Variants in MRGBP observed in about 807,000 individuals in gnomAD.
The protein encoded by MRGBP is MRG/MORF4L-binding protein.
MRGBP carries 5 observed loss-of-function variants against 21.5 expected under a neutral mutation model. The ratio of observed to expected loss-of-function variants is 0.23; its 90% CI spans 0.12 to 0.49. The LOEUF (loss-of-function observed/expected upper bound fraction) is 0.49. MRGBP is among the 20% of genes least tolerant of loss of function. The pLI, the probability that MRGBP is intolerant of heterozygous loss-of-function variation, is 0.98. For missense variants in MRGBP, 227 were observed against 277.4 expected (o/e 0.82, Z 1.29); for synonymous variants, 118 against 104.4 (o/e 1.13, Z -0.79).
intron 3 of MRGBP, 41 bp downstream of exon 3, chr20:62,798,709 C>G (rs1990389570): frequency 1.2e-6 from 2 of 1,607,130 alleles, no homozygotes; most frequent in South Asian, 1.1e-5. Flanking sequence ...TCAGAAAAGG[C>G]CAGACCCTGG....
In MRGBP at chr20:62,800,673, A is replaced by G. The variant is rs1990439009; in HGVS notation, c.*1030A>G. Reference sequence around the variant, plus strand: ...AGTTTTTATTTTTCCAAGATTTATAACTAAAGCATACACTTAGATGACTTA... The same window carrying G: ...AGTTTTTATTTTTCCAAGATTTATAGCTAAAGCATACACTTAGATGACTTA... On this transcript the variant is annotated 3_prime_UTR_variant, in exon 5 of 5. Transcript: ENST00000370487. 1 of 152,244 alleles carries G rather than the reference A, an allele frequency of 6.6e-6. No homozygotes were observed. Among genetic ancestry groups the G allele is most frequent in the African/African-American group, 2.4e-5 (1 of 41,454 alleles). 9.4% of individuals were successfully genotyped at this position (152,244 alleles called of 1,614,324 possible). A position where few individuals can be genotyped will look rare whatever the true frequency, so the allele number is the denominator to read the frequency against.
At chr20:62,797,366 A>C in intron 2 of MRGBP, 135 bp downstream of exon 2, 4 of 1,216,648 alleles carry the variant, frequency 3.3e-6, no homozygotes, top group South Asian at 1.8e-5. Flanking sequence ...AGGCCCCTCC[A>C]TGCCTGCTGG....
rs902475751 is a variant in MRGBP, at chr20:62,798,678, G to A, written c.352+10G>A. 3.7e-6 allele frequency: 6 copies of A among 1,613,124 alleles called. No individual in the cohort carries two copies. Among genetic ancestry groups the A allele is most frequent in the African/African-American group, 1.3e-5 (1 of 74,902 alleles). ...CAGGAGGTCCGAGAAGGTGAGGCTC[G>A]GGAAAGGTTGGGCTTGGGATTCAGA... On this transcript the variant is annotated intron_variant, in intron 3 of 4. Transcript: ENST00000370487.
At chr20:62,798,117 C>T (rs555388244) in intron 2 of MRGBP, among the ~76,000 whole-genome samples, 3 of 152,336 alleles carry the variant, frequency 2.0e-5, no homozygotes, top group South Asian at 2.1e-4. Context: ...CGCTCCCAAC[C>T]GACACCCTCG....
Position 62,797,142 on chromosome 20 carries a change from C to T in MRGBP, c.181C>T (p.Arg61Trp), listed in dbSNP as rs757399651. Residue 61 changes from arginine (R) to tryptophan (W), a missense_variant, in exon 2 of 5, where the codon CGG becomes TGG. By Grantham distance (101) the Arg-to-Trp change is moderately radical (BLOSUM62 -3). Coordinates refer to ENST00000370487, the MANE Select transcript of MRGBP (RefSeq NM_018270.6). ...VNRHFHMICI[R>W]DKFSQNIGRQ... ...CCGACACTTCCACATGATTTGTATT[C>T]GGGACAAGTTCAGCCAGAACATCGG... The T allele has an allele frequency of 1.9e-6, 3 of 1,606,418 alleles. No homozygotes were observed. Among genetic ancestry groups the T allele is most frequent in the Non-Finnish European group, 2.5e-6 (3 of 1,177,790 alleles).
chr20:62,799,194 G>T (rs1990401478), intron 4 of MRGBP, 145 bp downstream of exon 4: 2 of 898,018 alleles, frequency 2.2e-6, no homozygotes, highest in East Asian at 5.3e-5. Context: ...GGATCCTGCA[G>T]TGCCCCCTCC....
intron 2 of MRGBP, 77 bp from the exon 3 acceptor site, chr20:62,798,510 C>G (rs1990384595): frequency 3.1e-6 from 4 of 1,304,710 alleles, no homozygotes; most frequent in South Asian, 2.4e-5. Flanking sequence ...CCAAGTGGCT[C>G]TTACACGGCT....
At position 62,801,238 on chromosome 20, in the gene MRGBP, G is replaced by C. The variant is rs904660821; in HGVS notation, c.*1595G>C. ...GCTGTATTCCAAGGGTAGAGCAGCTGCCTGGGGGGACCCTGTGGGTCCCTT... is the reference window on the plus strand; with the variant it reads ...GCTGTATTCCAAGGGTAGAGCAGCTCCCTGGGGGGACCCTGTGGGTCCCTT... On this transcript the variant is annotated 3_prime_UTR_variant, in exon 5 of 5. Coordinates refer to ENST00000370487, the MANE Select transcript of MRGBP (RefSeq NM_018270.6). The C allele has an allele frequency of 6.6e-6, 1 of 152,234 alleles. No homozygotes were observed. The highest frequency in any genetic ancestry group is 6.5e-5 in the Admixed American group (1 of 15,286). 9.4% of individuals were successfully genotyped at this position (152,234 alleles called of 1,614,324 possible).
intron 2 of MRGBP, 83 bp downstream of exon 2, chr20:62,797,314 A>G (rs1990359766): frequency 1.4e-6 from 2 of 1,468,568 alleles, no homozygotes; most frequent in Non-Finnish European, 1.8e-6. Context: ...TGAGCTGGGC[A>G]GAGGCCCCTC....
At chr20:62,796,713 C>T (rs746571590) in intron 1 of MRGBP, 42 bp downstream of exon 1, 31 of 1,246,106 alleles carry the variant, frequency 2.5e-5, no homozygotes, top group South Asian at 1.9e-4. Flanking sequence ...GCGGGGCGGG[C>T]AACCGGCGGG....
chr20:62,797,293 G>C (rs1990359365), intron 2 of MRGBP, 62 bp downstream of exon 2: 15 of 1,488,226 alleles, frequency 1.0e-5, no homozygotes, highest in Non-Finnish European at 1.3e-5. Flanking sequence ...ACCGCTCTCT[G>C]AGAGTCAGCC....
intron 4 of MRGBP, 57 bp from the exon 5 acceptor site, chr20:62,799,399 G>A: frequency 1.3e-5 from 21 of 1,559,300 alleles, no homozygotes; most frequent in Non-Finnish European, 1.8e-5. Flanking sequence ...TGAACAGGAA[G>A]ACAAAAATAA....
intron 3 of MRGBP, 126 bp from the exon 4 acceptor site, chr20:62,798,849 G>A: frequency 6.4e-7 from 1 of 1,574,642 alleles, no homozygotes; most frequent in Non-Finnish European, 8.6e-7. Flanking sequence ...TTGTTTGAGA[G>A]CAGTGGCTGG....
chr20:62,797,282 C>G (rs367773346), intron 2 of MRGBP, 51 bp downstream of exon 2: 37 of 1,500,304 alleles, frequency 2.5e-5, no homozygotes, highest in Non-Finnish European at 3.2e-5. Flanking sequence ...CGAACCCGCA[C>G]ACCGCTCTCT....
intron 2 of MRGBP, among the ~76,000 whole-genome samples, chr20:62,798,224 C>T (rs1224494704): frequency 6.6e-6 from 1 of 152,178 alleles, no homozygotes; most frequent in Non-Finnish European, 1.5e-5. Flanking sequence ...CCTTGGGGAA[C>T]GCAGTCTCAT....
chr20:62,800,915 C>A lies in MRGBP; in HGVS notation c.*1272C>A, dbSNP rs983265611. The A allele has an allele frequency of 6.6e-6, 1 of 152,154 alleles. No individual in the cohort carries two copies. The highest frequency in any genetic ancestry group is 6.5e-5 in the Admixed American group (1 of 15,278). 9.4% of individuals were successfully genotyped at this position (152,154 alleles called of 1,614,324 possible). A position where few individuals can be genotyped will look rare whatever the true frequency, so the allele number is the denominator to read the frequency against. Reference sequence around the variant, plus strand: ...GGTCACAGAGTGAAATCCAGCGTTCCGTGTGCGGACGAGGAGACAAGCTGT... The same window carrying A: ...GGTCACAGAGTGAAATCCAGCGTTCAGTGTGCGGACGAGGAGACAAGCTGT... On this transcript the variant is annotated 3_prime_UTR_variant, in exon 5 of 5. Transcript: ENST00000370487.
At chr20:62,796,820 C>T (rs1197703088) in intron 1 of MRGBP, 149 bp downstream of exon 1, 1 of 812,164 alleles carries the variant, frequency 1.2e-6, no homozygotes. Context: ...GGACCCCCGC[C>T]CCCTCCCACG....
Position 62,799,586 on chromosome 20 carries a change from C to G in MRGBP, c.558C>G (p.Val186=). 1 of 1,613,728 alleles carries G rather than the reference C, an allele frequency of 6.2e-7. No individual in the cohort carries two copies. Among genetic ancestry groups the G allele is most frequent in the Non-Finnish European group, 8.5e-7 (1 of 1,180,018 alleles). The part of the protein sequence containing the change: ...KRKRSRVTDK[V]LTANSNPSSP... Reference sequence around the variant, plus strand: ...AGCGCAGCCGGGTCACCGACAAAGTCCTGACCGCAAACAGCAACCCTTCCA... The same window carrying G: ...AGCGCAGCCGGGTCACCGACAAAGTGCTGACCGCAAACAGCAACCCTTCCA... The change falls in exon 5 of 5, where the codon GTC becomes GTG. Residue 186 remains valine, a synonymous_variant. Transcript: ENST00000370487.
rs1293313294 is a variant in MRGBP, at chr20:62,801,240, C to G, written c.*1597C>G. ...TGTATTCCAAGGGTAGAGCAGCTGC[C>G]TGGGGGGACCCTGTGGGTCCCTTTT... On this transcript the variant is annotated 3_prime_UTR_variant, in exon 5 of 5. Coordinates refer to ENST00000370487, the MANE Select transcript of MRGBP (RefSeq NM_018270.6). 6.6e-6 allele frequency: 1 copy of G among 152,198 alleles called. No individual in the cohort carries two copies. The highest frequency in any genetic ancestry group is 1.9e-4 in the East Asian group (1 of 5,188). 9.4% of individuals were successfully genotyped at this position (152,198 alleles called of 1,614,324 possible).
Sources: allele counts gnomAD v4.1 joint callset (sites outside exome capture counted in the v4.1 genomes callset), GRCh38; gene constraint gnomAD v4.1.1; transcripts MANE v1.5; gene names NCBI Gene and HGNC (gene_info 2026-07-23, HGNC 2026-07-21).